The following MPPED2 variants were observed in gnomAD, a reference collection of about 807,000 sequenced individuals.
The protein encoded by MPPED2 is metallophosphoesterase MPPED2.
A neutral mutation model predicts 33.0 loss-of-function variants in MPPED2; 5 were observed. The ratio of observed to expected loss-of-function variants is 0.15; its 90% CI spans 0.08 to 0.32. The LOEUF is 0.32. MPPED2 is among the 10% of genes least tolerant of loss of function. The probability of loss-of-function intolerance (pLI) is 1.00; values close to 1 mark genes in which losing one functional copy is unlikely to be tolerated. For synonymous variants in MPPED2, 136 were observed against 141.9 expected (o/e 0.96, Z 0.29); for missense variants, 275 against 372.1 (o/e 0.74, Z 2.15).
intron 4 of MPPED2, among the ~76,000 whole-genome samples, chr11:30,491,872 A>T (rs1207811211): frequency 9.9e-5 from 15 of 152,224 alleles, no homozygotes; most frequent in Non-Finnish European, 2.2e-4. Context: ...ATTTTTGTCA[A>T]CCTCTGTATT....
rs1408737104 is a variant in MPPED2, at chr11:30,410,614, C to A, written c.*854G>T. The stretch of plus-strand genomic sequence containing the variant: ...CTCTGAGAGAATGTGTCAGTTCCTT[C>A]CGACTTCTGATGTGTTGCTATACAG... On this transcript the variant is annotated 3_prime_UTR_variant, in exon 7 of 7. Coordinates refer to ENST00000358117, the MANE Select transcript of MPPED2 (RefSeq NM_001584.3). 1 of 985,642 alleles carries A rather than the reference C, an allele frequency of 1.0e-6. No homozygotes were observed. The highest frequency in any genetic ancestry group is 1.7e-5 in the African/African-American group (1 of 57,230). 61.1% of individuals were successfully genotyped at this position (985,642 alleles called of 1,614,324 possible).
intron 2 of MPPED2, among the ~76,000 whole-genome samples, chr11:30,568,741 G>A (rs973192289): frequency 6.6e-6 from 1 of 152,156 alleles, no homozygotes; most frequent in African/African-American, 2.4e-5. Flanking sequence ...CTTATTTAAA[G>A]TTAAATTATT....
chr11:30,575,264 T>G (rs7130557), intron 2 of MPPED2, among the ~76,000 whole-genome samples: 2,800 of 152,310 alleles, frequency 0.018, 89 homozygotes, highest in African/African-American at 0.065. Flanking sequence ...CCAAGTAGTT[T>G]AGAAAGGAAA....
intron 3 of MPPED2, among the ~76,000 whole-genome samples, chr11:30,519,471 A>G (rs1335371893): frequency 1.3e-5 from 2 of 151,452 alleles, no homozygotes; most frequent in African/African-American, 4.8e-5. Context: ...TGGTAGTGGT[A>G]GTAATAGTAA....
intron 4 of MPPED2, among the ~76,000 whole-genome samples, chr11:30,469,418 A>G (rs1050201142): frequency 6.6e-6 from 1 of 152,200 alleles, no homozygotes; most frequent in Non-Finnish European, 1.5e-5. Flanking sequence ...TAGTTCCCAT[A>G]GCAGCAAACA....
intron 2 of MPPED2, 60 bp downstream of exon 2, chr11:30,580,186 C>G (rs199625638): frequency 6.5e-7 from 1 of 1,543,848 alleles, no homozygotes; most frequent in Non-Finnish European, 8.9e-7. Context: ...GAATGCTTTT[C>G]TTTTTTTTCT....
At chr11:30,505,097 A>G (rs1352310544) in intron 3 of MPPED2, among the ~76,000 whole-genome samples, 1 of 152,202 alleles carries the variant, frequency 6.6e-6, no homozygotes, top group African/African-American at 2.4e-5. Context: ...AGTAGTCACT[A>G]CTGCATTGCA....
At chr11:30,494,757 A>AAAAG (rs1554982031) in intron 4 of MPPED2, among the ~76,000 whole-genome samples, 1,610 of 120,636 alleles carry the variant, frequency 0.013, 106 homozygotes, top group African/African-American at 0.053. Flanking sequence ...AAAAAAAAAA[A>AAAAG]AAAGAAAGAA....
At chr11:30,427,818 C>G (rs953332975) in intron 4 of MPPED2, among the ~76,000 whole-genome samples, 2 of 152,032 alleles carry the variant, frequency 1.3e-5, no homozygotes, top group Non-Finnish European at 2.9e-5. Context: ...ATTTTTTTCC[C>G]TTTCTATTTC....
intron 4 of MPPED2, among the ~76,000 whole-genome samples, chr11:30,455,288 G>A (rs1302067613): frequency 6.6e-6 from 1 of 152,174 alleles, no homozygotes; most frequent in East Asian, 1.9e-4. Context: ...TTCCTGCTGA[G>A]GCACTGGCCC....
chr11:30,505,832 G>A (rs184128217), intron 3 of MPPED2, among the ~76,000 whole-genome samples: 12 of 151,684 alleles, frequency 7.9e-5, no homozygotes, highest in African/African-American at 1.9e-4. Context: ...GACAGATTTC[G>A]GATCAAGTTC....
chr11:30,504,819 A>G, intron 3 of MPPED2: 1 of 1,285,370 alleles, frequency 7.8e-7, no homozygotes, highest in South Asian at 1.2e-5. Flanking sequence ...CCATGCTTGC[A>G]ATGGGAAACC....
intron 6 of MPPED2, among the ~76,000 whole-genome samples, chr11:30,398,714 G>C (rs1947868260): frequency 6.6e-6 from 1 of 152,098 alleles, no homozygotes; most frequent in Non-Finnish European, 1.5e-5. Context: ...CCAGCCAAGA[G>C]AAAGCTTTTA....
chr11:30,468,249 C>CAT (rs1175175378), intron 4 of MPPED2, among the ~76,000 whole-genome samples: 3 of 107,112 alleles, frequency 2.8e-5, no homozygotes, highest in Non-Finnish European at 6.3e-5. Context: ...CACACACACA[C>CAT]ACACACACTC....
At chr11:30,427,746 T>C (rs999902387) in intron 4 of MPPED2, among the ~76,000 whole-genome samples, 2 of 152,194 alleles carry the variant, frequency 1.3e-5, no homozygotes, top group African/African-American at 2.4e-5. Context: ...CAGACGGACA[T>C]GCCTAATGGT....
At chr11:30,517,156 C>T (rs1472990662) in intron 3 of MPPED2, among the ~76,000 whole-genome samples, 3 of 152,164 alleles carry the variant, frequency 2.0e-5, no homozygotes, top group Admixed American at 6.6e-5. Flanking sequence ...ATTTGCAGCA[C>T]TTCTCCCTCC....
intron 4 of MPPED2, among the ~76,000 whole-genome samples, chr11:30,479,596 G>T (rs1167643407): frequency 1.3e-5 from 2 of 151,824 alleles, no homozygotes; most frequent in Non-Finnish European, 2.9e-5. Flanking sequence ...TTGCTACAAG[G>T]TTTGATTTTG....
intron 5 of MPPED2, among the ~76,000 whole-genome samples, chr11:30,416,919 C>T (rs1304323831): frequency 3.3e-5 from 5 of 152,172 alleles, no homozygotes; most frequent in Non-Finnish European, 7.4e-5. Flanking sequence ...AGTGGGTAGG[C>T]TTTGAAGCAC....
intron 4 of MPPED2, among the ~76,000 whole-genome samples, chr11:30,486,905 T>C (rs1951768652): frequency 6.6e-6 from 1 of 152,216 alleles, no homozygotes; most frequent in Non-Finnish European, 1.5e-5. Flanking sequence ...GATCTTGTAT[T>C]GGAAATACTT....
Sources: allele counts gnomAD v4.1 joint callset (sites outside exome capture counted in the v4.1 genomes callset), GRCh38; gene constraint gnomAD v4.1.1; transcripts MANE v1.5; gene names NCBI Gene and HGNC (gene_info 2026-07-23, HGNC 2026-07-21).